The following AOC3 variants were observed in gnomAD, a reference collection of about 807,000 sequenced individuals.
AOC3 encodes the protein amine oxidase copper containing 3.
AOC3 carries 47 observed loss-of-function variants against 55.4 expected under a neutral mutation model. The ratio of observed to expected loss-of-function variants is 0.85; its 90% CI spans 0.67 to 1.08. AOC3 has a LOEUF of 1.08. Ranked by LOEUF, AOC3 falls within the 50% of genes least tolerant of loss-of-function variation. The pLI, the probability that AOC3 is intolerant of heterozygous loss-of-function variation, is 0.00. For synonymous variants in AOC3, 386 were observed against 410.7 expected (o/e 0.94, Z 0.73); for missense variants, 853 against 993.1 (o/e 0.86, Z 1.90).
At position 42,851,810 on chromosome 17, in the gene AOC3, C is replaced by T. The variant is rs1413979710; in HGVS notation, c.467C>T (p.Thr156Ile). 4 of 1,613,438 alleles carry T rather than the reference C, an allele frequency of 2.5e-6. No individual in the cohort carries two copies. Among genetic ancestry groups the T allele is most frequent in the Non-Finnish European group, 3.4e-6 (4 of 1,180,034 alleles). ...CACCCCTCCTACATGCGGGACGTGA[C>T]TGTGGAGCGTCATGGAGGCCCCCTG... ...LPHPSYMRDV[T>I]VERHGGPLPY... Residue 156 changes from threonine to isoleucine, a missense_variant, in exon 1 of 4, where the codon ACT becomes ATT. Physicochemically the swap from Thr to Ile is moderately conservative, Grantham distance 89. Coordinates refer to ENST00000308423, the MANE Select transcript of AOC3 (RefSeq NM_003734.4).
Position 42,852,889 on chromosome 17 carries a change from C to T in AOC3, c.1546C>T (p.Leu516=). ...KYGNQVSEHT[L]GTVHTHSAHF... is the part of the protein sequence containing the mutation. ...CGGGAACCAAGTGTCAGAGCACACC[C>T]TGGGCACGGTCCACACCCACAGCGC... Residue 516 remains leucine (L), a synonymous_variant, in exon 1 of 4, where the codon CTG becomes TTG. Coordinates refer to ENST00000308423, the MANE Select transcript of AOC3 (RefSeq NM_003734.4). 3 of 1,612,290 alleles carry T rather than the reference C, an allele frequency of 1.9e-6. No homozygotes were observed. Among genetic ancestry groups the T allele is most frequent in the Non-Finnish European group, 2.5e-6 (3 of 1,178,478 alleles).
At position 42,858,112 on chromosome 17, in the gene AOC3, AAATG is replaced by A. The variant is rs2055774336; in HGVS notation, c.*1563_*1566del. ...GTATTACCTATTCAAAATAAACAAT[AAATG>A]GGCCCAAACAGGAATTGACTTTTTT... On this transcript the variant is annotated 3_prime_UTR_variant, in exon 4 of 4. Transcript: ENST00000308423. 8 of 152,376 alleles carry A rather than the reference AAATG, an allele frequency of 5.3e-5. No homozygotes were observed. In the South Asian group the frequency reaches 1.7e-3, roughly 32 times the overall value. The allele number at this position is 152,376 out of a possible 1,614,324, so 9.4% of individuals were successfully genotyped here.
chr17:42,853,057 TC>T (rs1382149569), intron 1 of AOC3, 114 bp downstream of exon 1: 1 of 1,390,088 alleles, frequency 7.2e-7, no homozygotes, highest in African/African-American at 1.4e-5. Flanking sequence ...TTTTTGTACT[TC>T]CCCTTTTGCT....
chr17:42,853,313 G>A, intron 1 of AOC3: 2 of 1,038,458 alleles, frequency 1.9e-6, no homozygotes, highest in Non-Finnish European at 2.3e-6. Context: ...GCCTGTGGTG[G>A]TGGTGTTTTG....
rs2055721637 is a variant in AOC3 at position 42,854,596 on chromosome 17, C to T, written c.1749C>T (p.Thr583=). ...CCGCCTTCCTCGTGGGAAGCGCCAC[C>T]CCTCGCTACCTGTACCTGGCCAGCA... ...EQAAFLVGSA[T]PRYLYLASNH... is the part of the protein sequence containing the mutation. Residue 583 remains threonine, a synonymous_variant, in exon 2 of 4, where the codon ACC becomes ACT. Coordinates refer to ENST00000308423, the MANE Select transcript of AOC3 (RefSeq NM_003734.4). The T allele has an allele frequency of 1.2e-6, 2 of 1,607,196 alleles. No individual in the cohort carries two copies. The highest frequency in any genetic ancestry group is 2.7e-5 in the African/African-American group (2 of 74,674).
Position 42,856,382 on chromosome 17 carries a change from T to C in AOC3, c.2124T>C (p.Tyr708=), listed in dbSNP as rs36049336. The C allele has an allele frequency of 2.0e-4, 319 of 1,613,936 alleles. 3 individuals carry two copies. The highest frequency in any genetic ancestry group is 1.5e-3 in the South Asian group (132 of 91,016). The change falls in exon 4 of 4, where the codon TAT becomes TAC. Residue 708 remains tyrosine, a synonymous_variant. Coordinates refer to ENST00000308423, the MANE Select transcript of AOC3 (RefSeq NM_003734.4). The part of the protein sequence containing the change: ...GNGVGFFLRP[Y]NFFDEDPSFY... Reference sequence around the variant, plus strand: ...GCGTGGGCTTCTTCCTCCGACCCTATAACTTCTTTGACGAAGACCCCTCCT... The same window carrying C: ...GCGTGGGCTTCTTCCTCCGACCCTACAACTTCTTTGACGAAGACCCCTCCT...
At position 42,856,260 on chromosome 17, in the gene AOC3, C is replaced by G; in HGVS notation, c.2017-15C>G. The G allele has an allele frequency of 6.2e-7, 1 of 1,612,308 alleles. No homozygotes were observed. Among genetic ancestry groups the G allele is most frequent in the South Asian group, 1.1e-5 (1 of 90,922 alleles). On this transcript the variant is annotated splice_polypyrimidine_tract_variant and intron_variant, in intron 3 of 3. Transcript: ENST00000308423. ...AAAGCCAGACCTCGTGATCCTCTTTCTTCTCCCCTGCTAGGATTTGGTGGC... is the reference window on the plus strand; with the variant it reads ...AAAGCCAGACCTCGTGATCCTCTTTGTTCTCCCCTGCTAGGATTTGGTGGC...
chr17:42,854,742 C>T lies in AOC3; in HGVS notation c.1886+9C>T, dbSNP rs780655072. 1.2e-5 allele frequency: 18 copies of T among 1,454,588 alleles called. No individual in the cohort carries two copies. The highest frequency in any genetic ancestry group is 5.9e-5 in the South Asian group (4 of 67,432). 90.1% of individuals were successfully genotyped at this position (1,454,588 alleles called of 1,614,324 possible). A position where few individuals can be genotyped will look rare whatever the true frequency, so the allele number is the denominator to read the frequency against. On this transcript the variant is annotated intron_variant, in intron 2 of 3. Coordinates refer to ENST00000308423, the MANE Select transcript of AOC3 (RefSeq NM_003734.4). The stretch of plus-strand genomic sequence containing the variant: ...GGCTTCAGCTGGGAGAGGTGAGTGG[C>T]GGGCAGTCAGAGAGGAGGGGGGCAG...
chr17:42,851,828 G>T lies in AOC3; in HGVS notation c.485G>T (p.Gly162Val). 6.2e-7 allele frequency: 1 copy of T among 1,613,550 alleles called. No individual in the cohort carries two copies. Among genetic ancestry groups the T allele is most frequent in the Non-Finnish European group, 8.5e-7 (1 of 1,180,028 alleles). The change falls in exon 1 of 4, where the codon GGC becomes GTC. Residue 162 changes from glycine to valine, a missense_variant. By Grantham distance (109) the Gly-to-Val change is moderately radical (BLOSUM62 -3). Coordinates refer to ENST00000308423, the MANE Select transcript of AOC3 (RefSeq NM_003734.4). ...GACGTGACTGTGGAGCGTCATGGAG[G>T]CCCCCTGCCCTATCACCGACGCCCC... ...MRDVTVERHG[G>V]PLPYHRRPVL...
chr17:42,851,222 G>C lies in AOC3; in HGVS notation c.-122G>C. ...TTAGTCCCAGGCATCTGACTACCGG[G>C]AACCTCAGCCAGAGTCCGGGAGCCC... On this transcript the variant is annotated 5_prime_UTR_variant, in exon 1 of 4. Transcript: ENST00000308423. 2 of 1,148,640 alleles carry C rather than the reference G, an allele frequency of 1.7e-6. No homozygotes were observed. The highest frequency in any genetic ancestry group is 2.5e-6 in the Non-Finnish European group (2 of 803,264). 71.2% of individuals were successfully genotyped at this position (1,148,640 alleles called of 1,614,324 possible).
At position 42,851,948 on chromosome 17, in the gene AOC3, A is replaced by T. The variant is rs773059091; in HGVS notation, c.605A>T (p.Lys202Met). The T allele has an allele frequency of 6.2e-7, 1 of 1,613,616 alleles. No homozygotes were observed. Among genetic ancestry groups the T allele is most frequent in the Non-Finnish European group, 8.5e-7 (1 of 1,179,868 alleles). Residue 202 changes from lysine to methionine, a missense_variant, in exon 1 of 4, where the codon AAG becomes ATG. Transcript: ENST00000308423. Reference protein sequence around the residue: ...SGLLHHCCFYKHRGRNLVTMT... With the variant: ...SGLLHHCCFYMHRGRNLVTMT... Reference sequence around the variant, plus strand: ...CTTCTCCACCACTGTTGCTTCTACAAGCACCGGGGACGGAACCTGGTGACA... The same window carrying T: ...CTTCTCCACCACTGTTGCTTCTACATGCACCGGGGACGGAACCTGGTGACA...
intron 1 of AOC3, among the ~76,000 whole-genome samples, chr17:42,853,672 C>T (rs533736191): frequency 5.3e-5 from 8 of 152,220 alleles, no homozygotes; most frequent in Non-Finnish European, 4.4e-5. Flanking sequence ...ACTGTCATGC[C>T]GTGCAGGTGC....
Position 42,851,480 on chromosome 17 carries a change from C to G in AOC3, c.137C>G (p.Pro46Arg). The change falls in exon 1 of 4, where the codon CCC (proline) becomes CGC (arginine). Residue 46 changes from proline to arginine, a missense_variant. Coordinates refer to ENST00000308423, the MANE Select transcript of AOC3 (RefSeq NM_003734.4). The stretch of plus-strand genomic sequence containing the variant: ...CTTCCCCATTGCCCCTCTGTATCTC[C>G]CAGTGCCCAGCCTTGGACACACCCT... ...SQLPHCPSVSPSAQPWTHPGQ... is the reference protein window; with the variant it reads ...SQLPHCPSVSRSAQPWTHPGQ... The G allele has an allele frequency of 6.2e-7, 1 of 1,614,248 alleles. No homozygotes were observed. Among genetic ancestry groups the G allele is most frequent in the East Asian group, 2.2e-5 (1 of 44,880 alleles).
Position 42,851,218 on chromosome 17 carries a change from C to T in AOC3, c.-126C>T, listed in dbSNP as rs2055658138. ...ACCCTTAGTCCCAGGCATCTGACTA[C>T]CGGGAACCTCAGCCAGAGTCCGGGA... On this transcript the variant is annotated 5_prime_UTR_variant, in exon 1 of 4. Transcript: ENST00000308423. 3.2e-6 allele frequency: 3 copies of T among 927,952 alleles called. No homozygotes were observed. The highest frequency in any genetic ancestry group is 3.8e-5 in the East Asian group (1 of 26,620). 57.5% of individuals were successfully genotyped at this position (927,952 alleles called of 1,614,324 possible). A position where few individuals can be genotyped will look rare whatever the true frequency, so the allele number is the denominator to read the frequency against.
In AOC3 at chr17:42,851,897, A is replaced by C; in HGVS notation, c.554A>C (p.Asn185Thr). 2.5e-6 allele frequency: 4 copies of C among 1,613,716 alleles called. No homozygotes were observed. Among genetic ancestry groups the C allele is most frequent in the Non-Finnish European group, 3.4e-6 (4 of 1,180,026 alleles). The change falls in exon 1 of 4, where the codon AAC (asparagine) becomes ACC (threonine). Residue 185 changes from asparagine (N) to threonine (T), a missense_variant. Asn to Thr is a moderately conservative substitution (Grantham distance 65). Transcript: ENST00000308423. ...EYLDIDQMIF[N>T]RELPQASGLL... ...CTGGACATAGACCAGATGATCTTCAACAGAGAGCTGCCCCAGGCTTCTGGG... is the reference window on the plus strand; with the variant it reads ...CTGGACATAGACCAGATGATCTTCACCAGAGAGCTGCCCCAGGCTTCTGGG...
At position 42,854,554 on chromosome 17, in the gene AOC3, G is replaced by A. The variant is rs1349719520; in HGVS notation, c.1707G>A (p.Leu569=). ...GGCTGCAGGTGACCCGGAAGCTGCT[G>A]GAGATGGAGGAGCAGGCCGCCTTCC... ...LQRLQVTRKL[L]EMEEQAAFLV... is the part of the protein sequence containing the mutation. Residue 569 remains leucine (L), a synonymous_variant, in exon 2 of 4, where the codon CTG becomes CTA. Coordinates refer to ENST00000308423, the MANE Select transcript of AOC3 (RefSeq NM_003734.4). 4 of 1,611,108 alleles carry A rather than the reference G, an allele frequency of 2.5e-6. No homozygotes were observed. Among genetic ancestry groups the A allele is most frequent in the Non-Finnish European group, 2.5e-6 (3 of 1,178,608 alleles).
At position 42,852,190 on chromosome 17, in the gene AOC3, GC is replaced by G; in HGVS notation, c.849del (p.Gly284AlafsTer3). On this transcript the variant is annotated frameshift_variant, in exon 1 of 4. Coordinates refer to ENST00000308423, the MANE Select transcript of AOC3 (RefSeq NM_003734.4). LOFTEE classifies it high-confidence loss of function. ...GGCCCAGCTGGAGGCCCAGTTTGAG[GC>G]CGGCCTGGTGAATGTGGTGCTGATC... ...SLAQLEAQFE[A>X]GLVNVVLIPD... 1 of 1,613,838 alleles carries G rather than the reference GC, an allele frequency of 6.2e-7. No homozygotes were observed. Among genetic ancestry groups the G allele is most frequent in the South Asian group, 1.1e-5 (1 of 91,052 alleles).
At position 42,855,468 on chromosome 17, in the gene AOC3, G is replaced by A; in HGVS notation, c.1911G>A (p.Arg637=). 6.2e-7 allele frequency: 1 copy of A among 1,609,344 alleles called. No homozygotes were observed. ...WERYQLAVTQ[R]KEEEPSSSSV... ...GGTACCAGCTGGCTGTGACCCAGCGGAAGGAGGAGGAGCCCAGTAGCAGCA... is the reference window on the plus strand; with the variant it reads ...GGTACCAGCTGGCTGTGACCCAGCGAAAGGAGGAGGAGCCCAGTAGCAGCA... Residue 637 remains arginine (R), a synonymous_variant, in exon 3 of 4, where the codon CGG becomes CGA. Coordinates refer to ENST00000308423, the MANE Select transcript of AOC3 (RefSeq NM_003734.4).
At position 42,852,326 on chromosome 17, in the gene AOC3, G is replaced by A; in HGVS notation, c.983G>A (p.Ser328Asn). 2 of 1,614,192 alleles carry A rather than the reference G, an allele frequency of 1.2e-6. No individual in the cohort carries two copies. The highest frequency in any genetic ancestry group is 1.7e-6 in the Non-Finnish European group (2 of 1,180,026). The change falls in exon 1 of 4, where the codon AGT becomes AAT. Residue 328 changes from serine to asparagine, a missense_variant. Coordinates refer to ENST00000308423, the MANE Select transcript of AOC3 (RefSeq NM_003734.4). The part of the protein sequence containing the change: ...PQGPRFSVQG[S>N]RVASSLWTFS... ...GGCCCCCGCTTCAGTGTCCAGGGAA[G>A]TCGAGTGGCCTCCTCACTGTGGACT...
Sources: allele counts gnomAD v4.1 joint callset (sites outside exome capture counted in the v4.1 genomes callset), GRCh38; gene constraint gnomAD v4.1.1; transcripts MANE v1.5; gene names NCBI Gene and HGNC (gene_info 2026-07-23, HGNC 2026-07-21).